Variants in TULP4 observed in about 807,000 individuals in gnomAD.
TULP4 encodes the protein TUB like protein 4.
TULP4 carries 16 observed loss-of-function variants against 129.0 expected under a neutral mutation model. That is an observed-to-expected ratio of 0.12 (90% CI 0.08 to 0.19). TULP4 has a LOEUF of 0.19. Ranked by LOEUF, TULP4 falls within the 10% of genes least tolerant of loss-of-function variation. TULP4 has a pLI of 1.00. For missense variants in TULP4, 1,842 were observed against 2,059.1 expected (o/e 0.89, Z 2.04); for synonymous variants, 998 against 854.0 (o/e 1.17, Z -2.94).
chr6:158,291,834 G>A (rs947163258), intron 1 of TULP4, among the ~76,000 whole-genome samples: 1 of 152,000 alleles, frequency 6.6e-6, no homozygotes, highest in Non-Finnish European at 1.5e-5. Flanking sequence ...TTTTATTGAA[G>A]GAATAGGTTT....
intron 1 of TULP4, among the ~76,000 whole-genome samples, chr6:158,260,534 C>T (rs1169207120): frequency 6.6e-6 from 1 of 150,860 alleles, no homozygotes. Context: ...AGAGATCACG[C>T]CACTGCACTC....
chr6:158,405,525 A>G (rs769790301), intron 1 of TULP4, among the ~76,000 whole-genome samples: 1 of 152,190 alleles, frequency 6.6e-6, no homozygotes, highest in Admixed American at 6.5e-5. Context: ...ACGGTTTAGC[A>G]TATGCTCTGC....
intron 1 of TULP4, among the ~76,000 whole-genome samples, chr6:158,248,445 T>TG (rs1388179231): frequency 3.0e-5 from 4 of 131,408 alleles, no homozygotes; most frequent in Non-Finnish European, 7.0e-5. Flanking sequence ...AATTTTTTTG[T>TG]ATTTTAGTAG....
chr6:158,381,487 A>G (rs1777324586), intron 1 of TULP4, among the ~76,000 whole-genome samples: 1 of 152,250 alleles, frequency 6.6e-6, no homozygotes, highest in Non-Finnish European at 1.5e-5. Context: ...AAGTTTTGTC[A>G]TCAAATGAAT....
chr6:158,293,648 A>G (rs887538081), intron 1 of TULP4, among the ~76,000 whole-genome samples: 2 of 152,228 alleles, frequency 1.3e-5, no homozygotes, highest in East Asian at 3.8e-4. Flanking sequence ...ACAGAATTCT[A>G]TAGACTCCAC....
chr6:158,280,920 C>T (rs889260606), upstream of TULP4, among the ~76,000 whole-genome samples: 4 of 152,154 alleles, frequency 2.6e-5, no homozygotes, highest in African/African-American at 9.7e-5. Flanking sequence ...TTTAGTTGAT[C>T]TTTATTTTTA....
intron 1 of TULP4, chr6:158,237,763 CCAGGAGAATTTT>C: frequency 1.3e-6 from 1 of 798,710 alleles, no homozygotes; most frequent in East Asian, 2.4e-5. Flanking sequence ...GTATGTAGCA[CCAGGAGAATTTT>C]CAAGAGCCTC....
chr6:158,241,650 A>G (rs1280273479), intron 1 of TULP4, among the ~76,000 whole-genome samples: 2 of 150,478 alleles, frequency 1.3e-5, no homozygotes. Flanking sequence ...GCTGGAGTGC[A>G]GTGGCGTGAC....
chr6:158,295,368 A>T (rs1392538323), intron 1 of TULP4, among the ~76,000 whole-genome samples: 1 of 152,116 alleles, frequency 6.6e-6, no homozygotes, highest in African/African-American at 2.4e-5. Flanking sequence ...TTTAAAAAAA[A>T]CTTCCTTACT....
intron 1 of TULP4, among the ~76,000 whole-genome samples, chr6:158,251,464 A>AG (rs1778137615): frequency 6.6e-6 from 1 of 151,910 alleles, no homozygotes; most frequent in Non-Finnish European, 1.5e-5. Flanking sequence ...AATATAAACT[A>AG]TTTTTTATAT....
In TULP4 at chr6:158,313,817, A is replaced by G. The variant is rs924391924; in HGVS notation, c.-200A>G. ...TCTTAGAAGACTGCCATCATCTTTT[A>G]TAGAGGAATTTTTTCACTATGCATT... On this transcript the variant is annotated 5_prime_UTR_variant, in exon 1 of 14. Coordinates refer to ENST00000367097, the MANE Select transcript of TULP4 (RefSeq NM_020245.5). The G allele has an allele frequency of 7.5e-5, 44 of 586,426 alleles. No individual in the cohort carries two copies. The highest frequency in any genetic ancestry group is 2.9e-6 in the Non-Finnish European group (1 of 343,272). 36.3% of individuals were successfully genotyped at this position (586,426 alleles called of 1,614,324 possible). A position where few individuals can be genotyped will look rare whatever the true frequency, so the allele number is the denominator to read the frequency against.
intron 1 of TULP4, among the ~76,000 whole-genome samples, chr6:158,365,899 CTTTTTTTTTTTT>C (rs5881257): frequency 3.5e-5 from 2 of 57,542 alleles, no homozygotes; most frequent in Non-Finnish European, 5.8e-5. Flanking sequence ...CTTTTTCTTT[CTTTTTTTTTTTT>C]TTTTTTTTTG....
At chr6:158,321,747 C>T (rs900557067) in intron 1 of TULP4, among the ~76,000 whole-genome samples, 1 of 152,164 alleles carries the variant, frequency 6.6e-6, no homozygotes, top group Admixed American at 6.5e-5. Context: ...GCATAAACCT[C>T]CTCATGAATC....
In TULP4 at chr6:158,506,753, T is replaced by C; in HGVS notation, c.*59T>C. 1 of 1,237,760 alleles carries C rather than the reference T, an allele frequency of 8.1e-7. No homozygotes were observed. 76.7% of individuals were successfully genotyped at this position (1,237,760 alleles called of 1,614,324 possible). A position where few individuals can be genotyped will look rare whatever the true frequency, so the allele number is the denominator to read the frequency against. ...AGCCTTTGGAAGAGGTCTTCGGAGATGCCAGAGGAGCCCTCTAGGGGTCCG... is the reference window on the plus strand; with the variant it reads ...AGCCTTTGGAAGAGGTCTTCGGAGACGCCAGAGGAGCCCTCTAGGGGTCCG... On this transcript the variant is annotated 3_prime_UTR_variant, in exon 14 of 14. Coordinates refer to ENST00000367097, the MANE Select transcript of TULP4 (RefSeq NM_020245.5).
At chr6:158,353,034 A>T (rs1372990139) in intron 1 of TULP4, among the ~76,000 whole-genome samples, 1 of 152,226 alleles carries the variant, frequency 6.6e-6, no homozygotes, top group East Asian at 1.9e-4. Context: ...TGCAGAGAGC[A>T]GGCTCCAGCT....
At chr6:158,265,055 A>T (rs988173207) in intron 1 of TULP4, among the ~76,000 whole-genome samples, 2 of 152,224 alleles carry the variant, frequency 1.3e-5, no homozygotes, top group African/African-American at 4.8e-5. Flanking sequence ...TTTAGCTCTG[A>T]AAGAACCTTA....
intron 1 of TULP4, among the ~76,000 whole-genome samples, chr6:158,277,162 A>G (rs1195650451): frequency 6.6e-6 from 1 of 152,102 alleles, no homozygotes; most frequent in Non-Finnish European, 1.5e-5. Context: ...GCTGGTCTCA[A>G]ACTCCTGGGC....
chr6:158,235,810 A>G (rs1370922806), intron 1 of TULP4, among the ~76,000 whole-genome samples: 2 of 152,350 alleles, frequency 1.3e-5, no homozygotes, highest in Non-Finnish European at 2.9e-5. Context: ...CCACGAGGCA[A>G]TGATCAGGAA....
intron 8 of TULP4, among the ~76,000 whole-genome samples, chr6:158,488,879 G>A (rs1247086508): frequency 6.6e-6 from 1 of 152,040 alleles, no homozygotes; most frequent in African/African-American, 2.4e-5. Context: ...GAATTCCAAC[G>A]AAGAGGAACT....
Sources: allele counts gnomAD v4.1 joint callset (sites outside exome capture counted in the v4.1 genomes callset), GRCh38; gene constraint gnomAD v4.1.1; transcripts MANE v1.5; gene names NCBI Gene and HGNC (gene_info 2026-07-23, HGNC 2026-07-21).